The following XRCC4 variants were observed in gnomAD, a reference collection of about 807,000 sequenced individuals.
XRCC4 encodes the protein X-ray repair cross complementing 4.
Under a neutral mutation model 39.1 loss-of-function variants are expected in XRCC4, and 28 were observed. That is an observed-to-expected ratio of 0.72 (90% CI 0.53 to 0.98). The LOEUF (loss-of-function observed/expected upper bound fraction) is 0.98. Ranked by LOEUF, XRCC4 falls within the 50% of genes least tolerant of loss-of-function variation. The probability of loss-of-function intolerance (pLI) is 0.00; values close to 1 mark genes in which losing one functional copy is unlikely to be tolerated. For missense variants in XRCC4, 350 were observed against 376.4 expected (o/e 0.93, Z 0.58); for synonymous variants, 123 against 126.4 (o/e 0.97, Z 0.18).
intron 7 of XRCC4, among the ~76,000 whole-genome samples, chr5:83,327,959 A>C (rs1756317576): frequency 6.6e-6 from 1 of 152,148 alleles, no homozygotes; most frequent in African/African-American, 2.4e-5. Flanking sequence ...AGTCTTGAAA[A>C]GAAAGAAACT....
intron 5 of XRCC4, 96 bp downstream of exon 5, chr5:83,203,803 A>G (rs1751310978): frequency 1.4e-6 from 2 of 1,431,592 alleles, no homozygotes; most frequent in Non-Finnish European, 9.6e-7. Context: ...CTTTTTGATC[A>G]TATGAGATAA....
chr5:83,319,993 G>A (rs1470613041), intron 7 of XRCC4, among the ~76,000 whole-genome samples: 2 of 150,128 alleles, frequency 1.3e-5, no homozygotes, highest in Non-Finnish European at 3.0e-5. Flanking sequence ...TTAAGAAAAT[G>A]TGGCACATAT....
At chr5:83,249,122 T>C (rs1424319120) in intron 6 of XRCC4, among the ~76,000 whole-genome samples, 1 of 152,124 alleles carries the variant, frequency 6.6e-6, no homozygotes, top group Admixed American at 6.6e-5. Context: ...GTAGTCTAAT[T>C]TTTCCCCACC....
chr5:83,094,456 C>T (rs1554053368), intron 1 of XRCC4, among the ~76,000 whole-genome samples: 1 of 147,618 alleles, frequency 6.8e-6, no homozygotes, highest in Non-Finnish European at 1.5e-5. Context: ...TTTCTTTGCT[C>T]CTCTGACTGA....
At chr5:83,251,389 TGGC>T (rs1753304396) in intron 6 of XRCC4, among the ~76,000 whole-genome samples, 1 of 151,910 alleles carries the variant, frequency 6.6e-6, no homozygotes, top group Admixed American at 6.6e-5. Flanking sequence ...CTGGGTGTGG[TGGC>T]GAGTGCCTGT....
At chr5:83,264,902 T>C (rs1753902491) in intron 7 of XRCC4, among the ~76,000 whole-genome samples, 1 of 152,136 alleles carries the variant, frequency 6.6e-6, no homozygotes, top group Admixed American at 6.6e-5. Flanking sequence ...GTATGTATGT[T>C]TTGCCAGAAT....
intron 5 of XRCC4, 132 bp from the exon 6 acceptor site, chr5:83,204,681 CAT>C (rs541647632): frequency 1.7e-4 from 93 of 560,918 alleles, no homozygotes; most frequent in African/African-American, 1.3e-3. Flanking sequence ...TCATCTAAAT[CAT>C]ATATATTTTC....
At position 83,353,218 on chromosome 5, in the gene XRCC4, A is replaced by G. The variant is rs1262509366; in HGVS notation, c.981A>G (p.Pro327=). 6.2e-7 allele frequency: 1 copy of G among 1,610,894 alleles called. No individual in the cohort carries two copies. The highest frequency in any genetic ancestry group is 2.2e-5 in the East Asian group (1 of 44,630). The change falls in exon 8 of 8, where the codon CCA becomes CCG. Residue 327 remains proline (P), a synonymous_variant. Transcript: ENST00000396027. The part of the protein sequence containing the change: ...MSLETLRNSS[P]EDLFDEI ...TAGAAACTCTGAGAAACAGCAGCCC[A>G]GAAGACCTCTTTGATGAGATTTAAC...
intron 1 of XRCC4, among the ~76,000 whole-genome samples, chr5:83,082,991 C>T (rs931249246): frequency 2.2e-5 from 3 of 135,624 alleles, no homozygotes; most frequent in African/African-American, 5.6e-5. Context: ...CTGCTTCTTT[C>T]TAGAATGCTT....
At chr5:83,124,715 T>C (rs530955724) in intron 3 of XRCC4, among the ~76,000 whole-genome samples, 1 of 152,354 alleles carries the variant, frequency 6.6e-6, no homozygotes, top group South Asian at 2.1e-4. Flanking sequence ...TGCATGCTTA[T>C]ATATTGTCTG....
At chr5:83,288,680 A>AT (rs1754815585) in intron 7 of XRCC4, among the ~76,000 whole-genome samples, 1 of 151,554 alleles carries the variant, frequency 6.6e-6, no homozygotes, top group Admixed American at 6.6e-5. Context: ...TATGTAAGAT[A>AT]TTTTTTACCC....
At chr5:83,216,629 C>T (rs1751870120) in intron 6 of XRCC4, among the ~76,000 whole-genome samples, 1 of 151,926 alleles carries the variant, frequency 6.6e-6, no homozygotes, top group African/African-American at 2.4e-5. Flanking sequence ...TATTATTTGG[C>T]AATATAAAGG....
chr5:83,367,202 T>C, the XRCC4 span, among the ~76,000 whole-genome samples: 1 of 152,192 alleles, frequency 6.6e-6, no homozygotes, highest in Non-Finnish European at 1.5e-5. Context: ...TTGGACTCAT[T>C]ACAATTCTAG....
At chr5:83,161,722 G>A (rs1580312116) in intron 3 of XRCC4, among the ~76,000 whole-genome samples, 1 of 152,148 alleles carries the variant, frequency 6.6e-6, no homozygotes, top group Non-Finnish European at 1.5e-5. Context: ...TGTTCGTCTT[G>A]TTTATTAAAA....
rs9986225 is a variant in XRCC4 at position 83,151,273 on chromosome 5, T to C, written c.315+40070T>C. 3.0e-3 allele frequency among the ~76,000 whole-genome samples: 451 copies of C among 152,282 alleles called. 2 individuals carry two copies. The highest frequency in any genetic ancestry group is 0.01 in the African/African-American group (431 of 41,590). On this transcript the variant is annotated intron_variant, in intron 3 of 7. Coordinates refer to ENST00000396027, the MANE Select transcript of XRCC4 (RefSeq NM_003401.5). ...AGGGTAGTCTTTTATATGAATAGTT[T>C]ATAGTCTCTGACAGTCACAACTAGA... is the stretch of plus-strand genomic sequence containing the variant.
intron 6 of XRCC4, among the ~76,000 whole-genome samples, chr5:83,251,815 C>T (rs1055980847): frequency 4.6e-5 from 7 of 152,150 alleles, no homozygotes; most frequent in Non-Finnish European, 1.0e-4. Flanking sequence ...GATGCAGACA[C>T]ATACATTCTT....
chr5:83,198,313 T>G (rs1356062127), intron 4 of XRCC4, among the ~76,000 whole-genome samples: 1 of 152,066 alleles, frequency 6.6e-6, no homozygotes, highest in Non-Finnish European at 1.5e-5. Flanking sequence ...GGACACAATG[T>G]AAGGGATGGG....
chr5:83,355,420 G>A (rs1050211773), downstream of XRCC4, among the ~76,000 whole-genome samples: 2 of 152,034 alleles, frequency 1.3e-5, no homozygotes, highest in Non-Finnish European at 2.9e-5. Flanking sequence ...CTAAGAGCAA[G>A]GTTCATAGAA....
chr5:83,363,384 C>A, the XRCC4 span, among the ~76,000 whole-genome samples: 2 of 152,058 alleles, frequency 1.3e-5, no homozygotes, highest in Non-Finnish European at 2.9e-5. Context: ...TACATTTTAA[C>A]CTGAATAAGC....
Sources: gnomAD v4.1 joint callset for allele counts (sites outside exome capture counted in the v4.1 genomes callset) on GRCh38, gnomAD v4.1.1 for gene constraint, MANE v1.5 for transcripts, NCBI Gene and HGNC (gene_info 2026-07-23, HGNC 2026-07-21) for gene names.